The following PCNX2 variants were observed in gnomAD, a reference collection of about 807,000 sequenced individuals.
PCNX2 encodes the protein pecanex 2.
In PCNX2, 168 loss-of-function variants were observed where a neutral mutation model predicts 223.8. The ratio of observed to expected loss-of-function variants is 0.75; its 90% CI spans 0.66 to 0.85. The LOEUF (loss-of-function observed/expected upper bound fraction) is 0.85. Ranked by LOEUF, PCNX2 falls within the 40% of genes least tolerant of loss-of-function variation. The pLI, the probability that PCNX2 is intolerant of heterozygous loss-of-function variation, is 0.00. For missense variants in PCNX2, 2,507 were observed against 2,675.5 expected, an observed-to-expected ratio of 0.94 and a Z score of 1.39; for synonymous variants, 1,006 against 1,052.6, an observed-to-expected ratio of 0.96 and a Z score of 0.86.
intron 23 of PCNX2, among the ~76,000 whole-genome samples, chr1:233,068,951 T>C (rs1672734069): frequency 6.6e-6 from 1 of 152,064 alleles, no homozygotes; most frequent in Non-Finnish European, 1.5e-5. Context: ...TATTCTTACT[T>C]ACAAGAAATT....
chr1:233,104,701 A>T (rs1046590422), intron 21 of PCNX2, among the ~76,000 whole-genome samples: 18 of 152,160 alleles, frequency 1.2e-4, no homozygotes, highest in African/African-American at 4.1e-4. Flanking sequence ...TACACCAACC[A>T]AAAGAGAAAG....
At chr1:233,162,976 C>A (rs1290703591) in intron 17 of PCNX2, among the ~76,000 whole-genome samples, 3 of 152,102 alleles carry the variant, frequency 2.0e-5, no homozygotes, top group Non-Finnish European at 1.5e-5. Context: ...CAGGAATGAG[C>A]TCGAATTATT....
intron 1 of PCNX2, chr1:233,291,064 C>A (rs1661735356): frequency 2.2e-5 from 22 of 985,236 alleles, no homozygotes; most frequent in Non-Finnish European, 2.5e-5. Flanking sequence ...GGTTTCACAG[C>A]CTTCAAAGTG....
chr1:233,140,186 AG>A (rs1571952888), intron 19 of PCNX2, among the ~76,000 whole-genome samples: 1 of 150,050 alleles, frequency 6.7e-6, no homozygotes, highest in East Asian at 2.0e-4. Flanking sequence ...TGGAAGGTGA[AG>A]GATGAAGAGT....
intron 1 of PCNX2, among the ~76,000 whole-genome samples, chr1:233,267,225 G>T (rs754171219): frequency 6.6e-6 from 1 of 152,094 alleles, no homozygotes; most frequent in Non-Finnish European, 1.5e-5. Context: ...ACTAAGGCAG[G>T]AGAATCACTT....
chr1:233,046,183 C>T (rs1262244028), intron 25 of PCNX2, among the ~76,000 whole-genome samples: 3 of 152,184 alleles, frequency 2.0e-5, no homozygotes, highest in South Asian at 4.1e-4. Context: ...CATGTTTCCA[C>T]TGATGGCTTC....
intron 21 of PCNX2, among the ~76,000 whole-genome samples, chr1:233,104,694 A>G (rs1674665771): frequency 6.6e-6 from 1 of 152,150 alleles, no homozygotes; most frequent in African/African-American, 2.4e-5. Flanking sequence ...AGAACCTTAC[A>G]CCAACCAAAA....
chr1:232,997,328 A>G lies in PCNX2; in HGVS notation c.5791+923T>C, dbSNP rs550741615. ...TCTCTCATATCTTGCTCATGTTTGC[A>G]TACATCCTACTGTCTCTGTTCAATC... is the stretch of plus-strand genomic sequence containing the variant. On this transcript the variant is annotated intron_variant, in intron 32 of 33. Transcript: ENST00000258229. Among the ~76,000 whole-genome samples the G allele has an allele frequency of 2.0e-3, 302 of 152,278 alleles. 1 individual carries two copies. The highest frequency in any genetic ancestry group is 3.5e-3 in the Non-Finnish European group (241 of 68,030).
chr1:233,088,947 C>A (rs1265377501), intron 23 of PCNX2, among the ~76,000 whole-genome samples: 1 of 152,192 alleles, frequency 6.6e-6, no homozygotes, highest in Non-Finnish European at 1.5e-5. Context: ...GATTTTACTT[C>A]CATTTTACAG....
intron 5 of PCNX2, among the ~76,000 whole-genome samples, 189 bp downstream of exon 5, chr1:233,257,839 A>G (rs1397617730): frequency 6.6e-6 from 1 of 152,224 alleles, no homozygotes; most frequent in Admixed American, 6.5e-5. Context: ...GTAGGACAAT[A>G]TATGTATACA....
At chr1:233,128,408 C>T (rs528764396) in intron 21 of PCNX2, among the ~76,000 whole-genome samples, 2 of 152,170 alleles carry the variant, frequency 1.3e-5, no homozygotes, top group South Asian at 2.1e-4. Context: ...TATCTTGGCT[C>T]ATTGTAACCT....
In PCNX2 at chr1:233,288,803, CCTT is replaced by C. The variant is rs1558428823; in HGVS notation, c.153+6520_153+6522del. 5.1e-3 allele frequency: 3,300 copies of C among 653,218 alleles called. 6 individuals carry two copies. Among genetic ancestry groups the C allele is most frequent in the Non-Finnish European group, 6.4e-3 (2,636 of 409,090 alleles). 40.5% of individuals were successfully genotyped at this position (653,218 alleles called of 1,614,324 possible). A position where few individuals can be genotyped will look rare whatever the true frequency, so the allele number is the denominator to read the frequency against. The stretch of plus-strand genomic sequence containing the variant: ...GAGGCCCAGGACCCAGGAAAGATGC[CCTT>C]TTTTTTTTTTTTTTTTTTTTACTGT... On this transcript the variant is annotated intron_variant, in intron 1 of 33. Transcript: ENST00000258229.
intron 21 of PCNX2, among the ~76,000 whole-genome samples, chr1:233,116,085 C>G (rs58434230): frequency 0.19 from 28,464 of 151,896 alleles, 2,801 homozygotes; most frequent in East Asian, 0.25. Flanking sequence ...TCTAACAATT[C>G]TAAATGTATA....
intron 1 of PCNX2, among the ~76,000 whole-genome samples, chr1:233,266,682 T>C (rs1475764317): frequency 6.6e-6 from 1 of 152,218 alleles, no homozygotes; most frequent in Non-Finnish European, 1.5e-5. Flanking sequence ...ACTCATATTT[T>C]TGAATAGCCG....
Position 233,156,644 on chromosome 1 carries a change from A to G in PCNX2, c.3517+3639T>C, listed in dbSNP as rs180909204. Among the ~76,000 whole-genome samples, 269 of 152,296 alleles carry G rather than the reference A, an allele frequency of 1.8e-3. 2 individuals are homozygous for G. Among genetic ancestry groups the G allele is most frequent in the East Asian group, 5.8e-4 (3 of 5,180 alleles). ...GATTTTAAACAGACGTGGGCTGGGC[A>G]CGGTGGCTCATGCTTGTAATCCCAG... On this transcript the variant is annotated intron_variant, in intron 19 of 33. Coordinates refer to ENST00000258229, the MANE Select transcript of PCNX2 (RefSeq NM_014801.4).
upstream of PCNX2, among the ~76,000 whole-genome samples, chr1:233,297,545 A>G (rs1310195893): frequency 2.0e-5 from 3 of 152,146 alleles, no homozygotes; most frequent in Non-Finnish European, 4.4e-5. Flanking sequence ...TCTTAAAGCT[A>G]AATATTAGCT....
rs1662052265 is a variant in PCNX2 at position 233,295,696 on chromosome 1, C to T, written c.-218G>A. 1 of 440,902 alleles carries T rather than the reference C, an allele frequency of 2.3e-6. No homozygotes were observed. Among genetic ancestry groups the T allele is most frequent in the East Asian group, 4.1e-5 (1 of 24,206 alleles). The allele number at this position is 440,902 out of a possible 1,614,324, so 27.3% of individuals were successfully genotyped here. ...GCGGCGCCGGAGCCGGCTGCTGCGG[C>T]CGGGCAGGTGAGCGCCATGTCCGAG... On this transcript the variant is annotated 5_prime_UTR_variant, in exon 1 of 34. Coordinates refer to ENST00000258229, the MANE Select transcript of PCNX2 (RefSeq NM_014801.4). The surrounding 1 kb of genome is among the most constrained non-coding windows in gnomAD (Gnocchi z 4.1).
chr1:233,295,952 TTCTCTCTC>T (rs1553334178), upstream of PCNX2, among the ~76,000 whole-genome samples: 1 of 144,956 alleles, frequency 6.9e-6, no homozygotes, highest in Non-Finnish European at 1.5e-5. The surrounding 1 kb of genome is among the most constrained non-coding windows in gnomAD (Gnocchi z 4.1). Flanking sequence ...CTTCCTTCCT[TTCTCTCTC>T]TCTCTCTCTT....
chr1:233,267,056 C>T (rs1362134151), intron 1 of PCNX2, among the ~76,000 whole-genome samples: 1 of 152,034 alleles, frequency 6.6e-6, no homozygotes, highest in Non-Finnish European at 1.5e-5. Context: ...CAGTGGCTCA[C>T]ACCTGTAATC....
Sources: allele counts gnomAD v4.1 joint callset (sites outside exome capture counted in the v4.1 genomes callset), GRCh38; gene constraint gnomAD v4.1.1; non-coding constraint Gnocchi (gnomAD v3.1); transcripts MANE v1.5; gene names NCBI Gene and HGNC (gene_info 2026-07-23, HGNC 2026-07-21).